Variants in RUNX1T1 observed in about 807,000 individuals in gnomAD.
The protein encoded by RUNX1T1 is protein CBFA2T1.
Under a neutral mutation model 62.8 loss-of-function variants are expected in RUNX1T1, and 4 were observed. The ratio of observed to expected loss-of-function variants is 0.06; its 90% CI spans 0.03 to 0.15. RUNX1T1 has a LOEUF of 0.15. Among genes scored for constraint, RUNX1T1 ranks in the 10% least tolerant of loss-of-function variants. The pLI is 1.00. For synonymous variants in RUNX1T1, 291 were observed against 286.0 expected, an observed-to-expected ratio of 1.02 and a Z score of -0.18; for missense variants, 508 against 754.3, an observed-to-expected ratio of 0.67 and a Z score of 3.82.
chr8:91,957,428 A>G, downstream of RUNX1T1: 1 of 230,678 alleles, frequency 4.3e-6, no homozygotes, highest in Non-Finnish European at 8.6e-6. Context: ...AGAATGTAGC[A>G]AAACAGGAGG....
intron 1 of RUNX1T1, chr8:92,062,445 G>C: frequency 7.6e-7 from 1 of 1,317,338 alleles, no homozygotes; most frequent in Non-Finnish European, 1.1e-6. Context: ...GCCCACATCA[G>C]ATACAACACG....
upstream of RUNX1T1, among the ~76,000 whole-genome samples, chr8:92,100,038 A>G (rs1184067750): frequency 2.0e-5 from 3 of 152,214 alleles, no homozygotes; most frequent in Non-Finnish European, 1.5e-5. Context: ...TACTCCTCTC[A>G]GGAAAAGAAA....
At chr8:92,080,187 C>T (rs1208366037) in intron 1 of RUNX1T1, among the ~76,000 whole-genome samples, 1 of 152,034 alleles carries the variant, frequency 6.6e-6, no homozygotes, top group East Asian at 1.9e-4. Flanking sequence ...AGTTGTAGCC[C>T]CAAATGAAAA....
At chr8:91,979,913 C>T (rs1188698696) in intron 8 of RUNX1T1, 2 of 526,776 alleles carry the variant, frequency 3.8e-6, no homozygotes, top group Non-Finnish European at 7.4e-6. Flanking sequence ...CTGGGCAGCA[C>T]CTAGGTATGG....
At chr8:92,095,543 C>T (rs1314175067) in intron 1 of RUNX1T1, 7 of 1,475,820 alleles carry the variant, frequency 4.7e-6, no homozygotes, top group Non-Finnish European at 6.3e-6. Flanking sequence ...ACAATATCAG[C>T]AGGGCCCAGA....
intron 1 of RUNX1T1, among the ~76,000 whole-genome samples, chr8:92,037,064 C>T (rs1827559815): frequency 6.6e-6 from 1 of 152,136 alleles, no homozygotes; most frequent in Non-Finnish European, 1.5e-5. Flanking sequence ...ATATACATAC[C>T]TACACCCTCA....
downstream of RUNX1T1, chr8:91,955,329 A>G: frequency 4.4e-6 from 1 of 226,776 alleles, no homozygotes; most frequent in African/African-American, 2.2e-5. Context: ...CACTTTGAAG[A>G]GAAAATAAGA....
chr8:91,972,544 T>C (rs1586749841), intron 9 of RUNX1T1, among the ~76,000 whole-genome samples: 1 of 152,186 alleles, frequency 6.6e-6, no homozygotes, highest in East Asian at 1.9e-4. Flanking sequence ...TATCCTATCA[T>C]AAATGACTTG....
At chr8:92,022,734 A>G (rs1824359587) in intron 1 of RUNX1T1, among the ~76,000 whole-genome samples, 1 of 152,192 alleles carries the variant, frequency 6.6e-6, no homozygotes, top group Non-Finnish European at 1.5e-5. Flanking sequence ...ACCCAGTCTA[A>G]GGTACTGATA....
exon 11 of RUNX1T1, chr8:91,959,474 GCGTGTGTGTGTGTGTATATATA>G: frequency 2.5e-5 from 1 of 39,304 alleles, no homozygotes; most frequent in East Asian, 1.1e-3. Context: ...GTGTATATGT[GCGTGTGTGTGTGTGTATATATA>G]TATATATATA....
intron 5 of RUNX1T1, among the ~76,000 whole-genome samples, chr8:91,998,175 A>G (rs891971194): frequency 2.0e-5 from 3 of 152,234 alleles, no homozygotes; most frequent in Non-Finnish European, 2.9e-5. Flanking sequence ...TTGTTAGGAA[A>G]GAGGTGACTT....
chr8:92,001,689 T>C (rs1819790128), intron 5 of RUNX1T1, among the ~76,000 whole-genome samples: 1 of 152,192 alleles, frequency 6.6e-6, no homozygotes, highest in Admixed American at 6.5e-5. Context: ...GCAAAGATTA[T>C]TTGGTTTGAT....
chr8:92,033,016 A>C (rs1451634716), intron 1 of RUNX1T1, among the ~76,000 whole-genome samples: 2 of 152,180 alleles, frequency 1.3e-5, no homozygotes, highest in Non-Finnish European at 2.9e-5. Flanking sequence ...TTGGCACTTC[A>C]ATTAATATAC....
intron 1 of RUNX1T1, among the ~76,000 whole-genome samples, chr8:92,025,489 C>T (rs73695103): frequency 2.6e-3 from 392 of 152,230 alleles, no homozygotes; most frequent in African/African-American, 8.9e-3. Flanking sequence ...TACTCTTCAC[C>T]CCATCACCGC....
chr8:91,986,167 G>A, exon 8 of RUNX1T1: 1 of 1,614,152 alleles, frequency 6.2e-7, no homozygotes, highest in Non-Finnish European at 8.5e-7. Flanking sequence ...GCTGCCTAGA[G>A]TGGCTGCTGC....
At chr8:91,985,545 T>A (rs1216569752) in intron 8 of RUNX1T1, among the ~76,000 whole-genome samples, 1 of 152,176 alleles carries the variant, frequency 6.6e-6, no homozygotes, top group East Asian at 1.9e-4. Flanking sequence ...GGGTGCTACA[T>A]CTTTATCATT....
At chr8:91,994,935 C>T (rs1818384503) in intron 5 of RUNX1T1, among the ~76,000 whole-genome samples, 1 of 152,214 alleles carries the variant, frequency 6.6e-6, no homozygotes, top group Non-Finnish European at 1.5e-5. Flanking sequence ...CATAGTTATG[C>T]AGATCAAAAC....
Position 91,986,119 on chromosome 8 carries a change from G to T in RUNX1T1, c.1198+5C>A. The T allele has an allele frequency of 6.2e-7, 1 of 1,603,866 alleles. No homozygotes were observed. Among genetic ancestry groups the T allele is most frequent in the African/African-American group, 1.3e-5 (1 of 74,824 alleles). ...TTTCGAGATACTCATCTGAAGAAAA[G>T]TTACCTAGTGCAACTGGGTCTGGGT... On this transcript the variant is annotated splice_donor_5th_base_variant and intron_variant, in intron 8 of 10. Transcript: ENST00000396218.
chr8:92,015,299 A>G (rs559771208), intron 2 of RUNX1T1, among the ~76,000 whole-genome samples: 1 of 152,210 alleles, frequency 6.6e-6, no homozygotes, highest in Non-Finnish European at 1.5e-5. Context: ...AGCTGTGTTT[A>G]TAGGAATAGG....
Sources: gnomAD v4.1 joint callset for allele counts (sites outside exome capture counted in the v4.1 genomes callset) on GRCh38, gnomAD v4.1.1 for gene constraint, MANE v1.5 for transcripts, NCBI Gene and HGNC (gene_info 2026-07-23, HGNC 2026-07-21) for gene names.